Variants in TMEM178B observed in about 807,000 individuals in gnomAD.
TMEM178B encodes transmembrane protein 178B.
TMEM178B carries 5 observed loss-of-function variants against 31.0 expected under a neutral mutation model. The ratio of observed to expected loss-of-function variants is 0.16; its 90% confidence interval spans 0.08 to 0.34. The LOEUF (loss-of-function observed/expected upper bound fraction) is 0.34, where lower values mean the gene tolerates loss of function less well. TMEM178B is among the 10% of genes least tolerant of loss of function. The probability of loss-of-function intolerance (pLI) is 1.00; values close to 1 mark genes in which losing one functional copy is unlikely to be tolerated. For synonymous variants in TMEM178B, 164 were observed against 164.0 expected (o/e 1.00, Z 0.00); for missense variants, 275 against 400.3 (o/e 0.69, Z 2.67).
In TMEM178B at chr7:141,091,715, T is replaced by C. The variant is rs148472803; in HGVS notation, c.382+17023T>C. Among the ~76,000 whole-genome samples the C allele has an allele frequency of 5.0e-3, 769 of 152,324 alleles. 6 individuals carry two copies. The highest frequency in any genetic ancestry group is 0.017 in the African/African-American group (694 of 41,568). On this transcript the variant is annotated intron_variant, in intron 1 of 3. Coordinates refer to ENST00000565468, the MANE Select transcript of TMEM178B (RefSeq NM_001195278.2). Reference sequence around the variant, plus strand: ...AAAGAAATAGATCCTTTCAAGGTGATGAGTCCTAGAATGTACTTTGTTAAT... The same window carrying C: ...AAAGAAATAGATCCTTTCAAGGTGACGAGTCCTAGAATGTACTTTGTTAAT...
At chr7:141,437,078 A>G (rs896732160) in intron 2 of TMEM178B, among the ~76,000 whole-genome samples, 1 of 151,950 alleles carries the variant, frequency 6.6e-6, no homozygotes, top group Non-Finnish European at 1.5e-5. Context: ...CTCACCTGCA[A>G]CCTCCTAGTG....
intron 2 of TMEM178B, among the ~76,000 whole-genome samples, chr7:141,259,664 T>C (rs1218734441): frequency 6.6e-6 from 1 of 152,210 alleles, no homozygotes; most frequent in African/African-American, 2.4e-5. Flanking sequence ...TAGCTACTAA[T>C]GTTTCTGCTT....
At chr7:141,185,661 GT>G (rs1715354291) in intron 1 of TMEM178B, among the ~76,000 whole-genome samples, 1 of 152,064 alleles carries the variant, frequency 6.6e-6, no homozygotes, top group Non-Finnish European at 1.5e-5. Context: ...GGTCTCTGGG[GT>G]TTTTATAGGC....
chr7:141,224,471 T>A (rs1797308838), intron 2 of TMEM178B, among the ~76,000 whole-genome samples: 1 of 152,160 alleles, frequency 6.6e-6, no homozygotes, highest in Non-Finnish European at 1.5e-5. Context: ...ATTTTCGGGG[T>A]ATAGGAATGC....
At chr7:141,196,219 A>G (rs1390768999) in intron 1 of TMEM178B, among the ~76,000 whole-genome samples, 1 of 152,032 alleles carries the variant, frequency 6.6e-6, no homozygotes, top group African/African-American at 2.4e-5. Context: ...GAATGTGACC[A>G]CCTTTTACTT....
At chr7:141,469,120 T>G (rs1228867658) in intron 3 of TMEM178B, among the ~76,000 whole-genome samples, 3 of 152,248 alleles carry the variant, frequency 2.0e-5, no homozygotes, top group Non-Finnish European at 4.4e-5. Context: ...TATGCACCCA[T>G]GCAAGCTTCC....
intron 2 of TMEM178B, among the ~76,000 whole-genome samples, chr7:141,310,354 A>G (rs1223085540): frequency 6.6e-6 from 1 of 152,248 alleles, no homozygotes; most frequent in Non-Finnish European, 1.5e-5. Flanking sequence ...AGAGAAATGC[A>G]AATCAAAACT....
At position 141,191,452 on chromosome 7, in the gene TMEM178B, T is replaced by C. The variant is rs139394380; in HGVS notation, c.383-21139T>C. Among the ~76,000 whole-genome samples, 585 of 152,356 alleles carry C rather than the reference T, an allele frequency of 3.8e-3. 10 individuals carry two copies. Among genetic ancestry groups the C allele is most frequent in the Admixed American group, 0.031 (479 of 15,294 alleles). Reference sequence around the variant, plus strand: ...CCTCTAGAGAGGCTGAACAAATTTATGAAATTTACACTCCAACGGCCACTC... The same window carrying C: ...CCTCTAGAGAGGCTGAACAAATTTACGAAATTTACACTCCAACGGCCACTC... On this transcript the variant is annotated intron_variant, in intron 1 of 3. Coordinates refer to ENST00000565468, the MANE Select transcript of TMEM178B (RefSeq NM_001195278.2).
At chr7:141,245,162 T>TC (rs1167801186) in intron 2 of TMEM178B, among the ~76,000 whole-genome samples, 1 of 69,538 alleles carries the variant, frequency 1.4e-5, no homozygotes, top group East Asian at 5.2e-4. Context: ...AGAGCAAGAC[T>TC]CCATCACCAA....
intron 1 of TMEM178B, among the ~76,000 whole-genome samples, chr7:141,113,157 G>A (rs1049658640): frequency 6.6e-6 from 1 of 152,220 alleles, no homozygotes; most frequent in African/African-American, 2.4e-5. Context: ...TGTCTGTGTG[G>A]CTGATTGGTG....
chr7:141,383,295 T>C (rs144956569), intron 2 of TMEM178B, among the ~76,000 whole-genome samples: 2 of 151,940 alleles, frequency 1.3e-5, no homozygotes, highest in Non-Finnish European at 2.9e-5. Flanking sequence ...TGTATACATG[T>C]GCCATGTTGG....
intron 1 of TMEM178B, among the ~76,000 whole-genome samples, chr7:141,094,503 C>T (rs997301767): frequency 2.0e-5 from 3 of 152,198 alleles, no homozygotes; most frequent in African/African-American, 7.2e-5. Flanking sequence ...AGTAGCCTAG[C>T]TATTCTAAGC....
intron 2 of TMEM178B, among the ~76,000 whole-genome samples, chr7:141,335,380 C>G (rs1038706131): frequency 6.6e-6 from 1 of 152,198 alleles, no homozygotes; most frequent in Non-Finnish European, 1.5e-5. Context: ...GGTGCTGGCA[C>G]TCTGCTCCCA....
At chr7:141,093,920 G>T (rs1794917770) in intron 1 of TMEM178B, among the ~76,000 whole-genome samples, 1 of 152,070 alleles carries the variant, frequency 6.6e-6, no homozygotes, top group Non-Finnish European at 1.5e-5. Flanking sequence ...GAGAGGAATT[G>T]GAGACGGTGA....
intron 1 of TMEM178B, among the ~76,000 whole-genome samples, chr7:141,167,572 C>T (rs1048554413): frequency 2.0e-5 from 3 of 152,236 alleles, no homozygotes; most frequent in Non-Finnish European, 4.4e-5. Flanking sequence ...TGACATCCCT[C>T]GCTCTTTTTC....
At chr7:141,272,985 T>C (rs1798209391) in intron 2 of TMEM178B, among the ~76,000 whole-genome samples, 1 of 152,166 alleles carries the variant, frequency 6.6e-6, no homozygotes, top group Non-Finnish European at 1.5e-5. Context: ...CATCAATGCA[T>C]GAATAAAGAA....
intron 2 of TMEM178B, among the ~76,000 whole-genome samples, chr7:141,430,862 T>C (rs1005473401): frequency 6.6e-5 from 10 of 152,190 alleles, no homozygotes; most frequent in African/African-American, 2.4e-4. Context: ...TCCCGTGACC[T>C]TGATTTTTAA....
chr7:141,402,273 C>T (rs1179646226), intron 2 of TMEM178B, among the ~76,000 whole-genome samples: 1 of 152,218 alleles, frequency 6.6e-6, no homozygotes, highest in Admixed American at 6.5e-5. Context: ...GAGGAAGCTC[C>T]TTTGCACCTG....
At chr7:141,407,283 G>A (rs984508495) in intron 2 of TMEM178B, among the ~76,000 whole-genome samples, 1 of 152,234 alleles carries the variant, frequency 6.6e-6, no homozygotes, top group African/African-American at 2.4e-5. Context: ...AGGCTGCCCT[G>A]TTTGATGTCT....
Sources: allele counts gnomAD v4.1 joint callset (sites outside exome capture counted in the v4.1 genomes callset), GRCh38; gene constraint gnomAD v4.1.1; transcripts MANE v1.5; gene names NCBI Gene and HGNC (gene_info 2026-07-23, HGNC 2026-07-21).